DGKB: variants seen among roughly 807,000 people sequenced by gnomAD.
The protein encoded by DGKB is 90 kDa diacylglycerol kinase.
A neutral mutation model predicts 114.3 loss-of-function variants in DGKB; 67 were observed. The observed-to-expected ratio is 0.59, with a 90% CI of 0.48 to 0.72. The LOEUF (loss-of-function observed/expected upper bound fraction) is 0.72. DGKB is among the 30% of genes least tolerant of loss of function. The probability of loss-of-function intolerance (pLI) is 0.00; values close to 1 mark genes in which losing one functional copy is unlikely to be tolerated. For synonymous variants in DGKB, 398 were observed against 323.1 expected (o/e 1.23, Z -2.49); for missense variants, 907 against 975.2 (o/e 0.93, Z 0.93).
chr7:14,481,136 A>G (rs1388135332), intron 20 of DGKB, among the ~76,000 whole-genome samples: 1 of 152,002 alleles, frequency 6.6e-6, no homozygotes, highest in East Asian at 1.9e-4. Flanking sequence ...CTACGTGTAC[A>G]TATATAAGTA....
chr7:14,240,153 A>C (rs1011788269), intron 23 of DGKB, among the ~76,000 whole-genome samples: 6 of 152,044 alleles, frequency 3.9e-5, no homozygotes, highest in African/African-American at 1.4e-4. Flanking sequence ...ATGCCCAATA[A>C]GCAGAAAACT....
intron 23 of DGKB, among the ~76,000 whole-genome samples, chr7:14,222,303 C>G (rs1790112441): frequency 6.6e-6 from 1 of 151,020 alleles, no homozygotes; most frequent in African/African-American, 2.4e-5. Context: ...CTTCAAATTT[C>G]TCTCTAAACA....
At chr7:14,753,040 T>C (rs946606590) in intron 4 of DGKB, among the ~76,000 whole-genome samples, 18 of 152,162 alleles carry the variant, frequency 1.2e-4, no homozygotes, top group African/African-American at 4.1e-4. Context: ...TACCAATGTC[T>C]CTTTATAGAA....
At chr7:14,469,883 C>A (rs1781021451) in intron 21 of DGKB, among the ~76,000 whole-genome samples, 1 of 151,644 alleles carries the variant, frequency 6.6e-6, no homozygotes, top group Non-Finnish European at 1.5e-5. Context: ...TATATGTATA[C>A]AAATATATAA....
chr7:14,273,705 G>C (rs1228737105), intron 23 of DGKB, among the ~76,000 whole-genome samples: 1 of 152,146 alleles, frequency 6.6e-6, no homozygotes, highest in Non-Finnish European at 1.5e-5. Context: ...CACTGGCTAA[G>C]CTCATTTTTC....
At chr7:14,429,931 C>G (rs201956623) in intron 21 of DGKB, among the ~76,000 whole-genome samples, 33 of 151,656 alleles carry the variant, frequency 2.2e-4, no homozygotes, top group South Asian at 1.0e-3. Flanking sequence ...TGTCCCCCCC[C>G]CCAAAAAAAA....
At chr7:14,712,901 C>T (rs1827602637) in intron 6 of DGKB, among the ~76,000 whole-genome samples, 1 of 151,910 alleles carries the variant, frequency 6.6e-6, no homozygotes, top group African/African-American at 2.4e-5. Flanking sequence ...TCAAGGGAAT[C>T]ACTGAACAAA....
chr7:14,486,141 C>A (rs546175597), intron 20 of DGKB, among the ~76,000 whole-genome samples: 35 of 151,970 alleles, frequency 2.3e-4, no homozygotes, highest in Non-Finnish European at 4.1e-4. Context: ...GGCAGTGATA[C>A]CTGGGTTATC....
At chr7:14,452,035 T>G (rs1401308589) in intron 21 of DGKB, among the ~76,000 whole-genome samples, 1 of 152,184 alleles carries the variant, frequency 6.6e-6, no homozygotes, top group Non-Finnish European at 1.5e-5. Context: ...TCAACAAGTT[T>G]GTTTTGAATT....
chr7:14,867,636 T>C (rs217555), intron 1 of DGKB, among the ~76,000 whole-genome samples: 16,295 of 152,176 alleles, frequency 0.11, 1,233 homozygotes, highest in Non-Finnish European at 0.17. Context: ...TCTAAATATG[T>C]ATAAATTATT....
chr7:14,656,501 G>C (rs943422666), intron 13 of DGKB, among the ~76,000 whole-genome samples: 50 of 151,530 alleles, frequency 3.3e-4, no homozygotes, highest in African/African-American at 1.2e-3. Flanking sequence ...TGTGTCAAGA[G>C]TCAATCCATA....
At chr7:14,286,357 C>T (rs940224830) in intron 23 of DGKB, among the ~76,000 whole-genome samples, 1 of 151,876 alleles carries the variant, frequency 6.6e-6, no homozygotes, top group African/African-American at 2.4e-5. Flanking sequence ...AGCATGGTGA[C>T]GATATCAATT....
At chr7:14,662,646 G>A (rs192934135) in intron 13 of DGKB, among the ~76,000 whole-genome samples, 232 of 151,918 alleles carry the variant, frequency 1.5e-3, no homozygotes, top group African/African-American at 4.9e-3. Flanking sequence ...GGCATTAACA[G>A]TGATGTCCCA....
chr7:14,431,102 C>T (rs964915820), intron 21 of DGKB, among the ~76,000 whole-genome samples: 22 of 152,036 alleles, frequency 1.4e-4, no homozygotes, highest in African/African-American at 5.3e-4. Context: ...ATAAAAAGGC[C>T]TCTTCTCCCT....
intron 6 of DGKB, among the ~76,000 whole-genome samples, chr7:14,704,425 G>A (rs1825790343): frequency 6.9e-6 from 1 of 144,888 alleles, no homozygotes; most frequent in South Asian, 2.3e-4. Context: ...TCCAGCCTGG[G>A]CGACAGAGCG....
chr7:14,576,997 G>A (rs982299688), intron 19 of DGKB, among the ~76,000 whole-genome samples: 8 of 152,104 alleles, frequency 5.3e-5, no homozygotes, highest in Non-Finnish European at 1.0e-4. Flanking sequence ...CCTACTTCTT[G>A]TATGTATCTA....
chr7:14,659,291 T>C (rs1816534398), intron 13 of DGKB, among the ~76,000 whole-genome samples: 1 of 152,080 alleles, frequency 6.6e-6, no homozygotes, highest in Admixed American at 6.6e-5. Context: ...ATAATATGGT[T>C]AAGTTCAAAA....
chr7:14,469,824 T>G (rs1781010428), intron 21 of DGKB, among the ~76,000 whole-genome samples: 1 of 151,960 alleles, frequency 6.6e-6, no homozygotes, highest in South Asian at 2.1e-4. Context: ...GCACATATAA[T>G]TGTAAGAGAT....
At chr7:14,676,081 C>A (rs1244286001) in intron 12 of DGKB, among the ~76,000 whole-genome samples, 2 of 152,114 alleles carry the variant, frequency 1.3e-5, no homozygotes, top group Non-Finnish European at 2.9e-5. Flanking sequence ...AAGTGAATAT[C>A]ATCTTTGCTG....
Sources: gnomAD v4.1 joint callset for allele counts (sites outside exome capture counted in the v4.1 genomes callset) on GRCh38, gnomAD v4.1.1 for gene constraint, MANE v1.5 for transcripts, NCBI Gene and HGNC (gene_info 2026-07-23, HGNC 2026-07-21) for gene names.